RFTN1: variants seen among roughly 807,000 people sequenced by gnomAD.
RFTN1 encodes raftlin.
RFTN1 carries 26 observed loss-of-function variants against 46.5 expected under a neutral mutation model. The ratio of observed to expected loss-of-function variants is 0.56; its 90% CI spans 0.41 to 0.78. The LOEUF is 0.78. Among genes scored for constraint, RFTN1 ranks in the 30% least tolerant of loss-of-function variants. The pLI is 0.00. For synonymous variants in RFTN1, 261 were observed against 284.2 expected, an observed-to-expected ratio of 0.92 and a Z score of 0.82; for missense variants, 693 against 718.7, an observed-to-expected ratio of 0.96 and a Z score of 0.41.
intron 1 of RFTN1, among the ~76,000 whole-genome samples, chr3:16,494,445 CTTTTTCTTCGT>C (rs1343755656): frequency 6.6e-6 from 1 of 152,158 alleles, no homozygotes; most frequent in Non-Finnish European, 1.5e-5. Flanking sequence ...TGAAAGTCCC[CTTTTTCTTCGT>C]TTTTAGACCA....
intron 1 of RFTN1, among the ~76,000 whole-genome samples, chr3:16,510,506 G>T (rs1003410547): frequency 6.6e-6 from 1 of 152,164 alleles, no homozygotes; most frequent in Non-Finnish European, 1.5e-5. Context: ...CCATTTTCAG[G>T]CAGAGTCAGG....
At chr3:16,368,390 G>A (rs475961) in intron 6 of RFTN1, among the ~76,000 whole-genome samples, 56,933 of 152,106 alleles carry the variant, frequency 0.37, 11,411 homozygotes, top group Non-Finnish European at 0.46. Context: ...ACGTATATTC[G>A]GCCGGGCACA....
chr3:16,444,070 T>C (rs1271101854), intron 2 of RFTN1, among the ~76,000 whole-genome samples: 1 of 152,154 alleles, frequency 6.6e-6, no homozygotes, highest in Non-Finnish European at 1.5e-5. Context: ...AAAAGTACTT[T>C]TGTTAGAGAA....
rs1166732116 is a variant in RFTN1 at position 16,386,891 on chromosome 3, CAA to C, written c.442-8791_442-8790del. Among the ~76,000 whole-genome samples, 3 of 152,222 alleles carry C rather than the reference CAA, an allele frequency of 2.0e-5. No homozygotes were observed. In the East Asian group the frequency reaches 5.8e-4, roughly 29 times the overall value. On this transcript the variant is annotated intron_variant, in intron 4 of 9. Coordinates refer to ENST00000334133, the MANE Select transcript of RFTN1 (RefSeq NM_015150.2). ...AAGGATGTGAGAAGTCCACGGGAGA[CAA>C]AAAGTAGAGGCAGCAGTCTGTGACA...
chr3:16,379,169 T>C (rs1276784702), intron 4 of RFTN1, among the ~76,000 whole-genome samples: 2 of 152,150 alleles, frequency 1.3e-5, no homozygotes, highest in Admixed American at 6.5e-5. Context: ...CTACCCTCAT[T>C]TGAGAGTCAG....
In RFTN1 at chr3:16,374,036, G is replaced by T. The variant is rs1234211826; in HGVS notation, c.826+3682C>A. Among the ~76,000 whole-genome samples, 1 of 152,206 alleles carries T rather than the reference G, an allele frequency of 6.6e-6. No individual in the cohort carries two copies. The highest frequency in any genetic ancestry group is 1.5e-5 in the Non-Finnish European group (1 of 68,030). ...AAGGCAAAGTGCAGGGACCGCTGCT[G>T]CGTGCACAACAATCCACAGGACTCC... On this transcript the variant is annotated intron_variant, in intron 5 of 9. Transcript: ENST00000334133. This position sits in a 1 kb window ranked among gnomAD's most constrained non-coding sequence, Gnocchi z 5.4.
Position 16,344,728 on chromosome 3 carries a change from C to T in RFTN1, c.1146+13204G>A, listed in dbSNP as rs982989792. 3.9e-5 allele frequency among the ~76,000 whole-genome samples: 6 copies of T among 152,208 alleles called. No individual in the cohort carries two copies. Among genetic ancestry groups the T allele is most frequent in the African/African-American group, 1.2e-4 (5 of 41,444 alleles). ...AGACCTCCTCCCAATGAAAGCACAT[C>T]GTTGCCAAGTGCGGCCTCTCAATCA... On this transcript the variant is annotated intron_variant, in intron 7 of 9. Transcript: ENST00000334133. The surrounding 1 kb of genome is among the most constrained non-coding windows in gnomAD (Gnocchi z 4.4).
chr3:16,324,504 A>AT (rs1290803212), intron 8 of RFTN1, among the ~76,000 whole-genome samples: 1 of 151,864 alleles, frequency 6.6e-6, no homozygotes, highest in Non-Finnish European at 1.5e-5. Flanking sequence ...ACTTTTTTAG[A>AT]TTCCACGTAT....
chr3:16,501,894 G>A (rs915028203), intron 1 of RFTN1, among the ~76,000 whole-genome samples: 3 of 152,296 alleles, frequency 2.0e-5, no homozygotes, highest in South Asian at 2.1e-4. Flanking sequence ...CTGATCCAAT[G>A]CCAGATGTAA....
chr3:16,332,038 AT>A (rs898135694), intron 7 of RFTN1, among the ~76,000 whole-genome samples: 30 of 149,434 alleles, frequency 2.0e-4, no homozygotes, highest in East Asian at 3.9e-4. Context: ...AGTTTTTAGG[AT>A]TTTTTTTTTC....
Position 16,334,114 on chromosome 3 carries a change from G to A in RFTN1, c.1147-7238C>T, listed in dbSNP as rs528896359. 2.2e-4 allele frequency among the ~76,000 whole-genome samples: 34 copies of A among 152,256 alleles called. No homozygotes were observed. The highest frequency in any genetic ancestry group is 6.3e-4 in the African/African-American group (26 of 41,556). Reference sequence around the variant, plus strand: ...TAGGAGGCAGAAGCTGCAGTGAGCCGAGATCGTGCCACTGCACTCCAGCCT... The same window carrying A: ...TAGGAGGCAGAAGCTGCAGTGAGCCAAGATCGTGCCACTGCACTCCAGCCT... On this transcript the variant is annotated intron_variant, in intron 7 of 9. Coordinates refer to ENST00000334133, the MANE Select transcript of RFTN1 (RefSeq NM_015150.2). This position sits in a 1 kb window ranked among gnomAD's most constrained non-coding sequence, Gnocchi z 4.3.
Position 16,377,870 on chromosome 3 carries a change from G to A in RFTN1, c.674C>T (p.Ser225Leu), listed in dbSNP as rs796613157. The A allele has an allele frequency of 1.9e-6, 3 of 1,614,226 alleles. No homozygotes were observed. The highest frequency in any genetic ancestry group is 2.5e-6 in the Non-Finnish European group (3 of 1,180,028). Residue 225 changes from serine to leucine, a missense_variant, in exon 5 of 10, where the codon TCA becomes TTA. Transcript: ENST00000334133. ...AGRNQSPEPS[S>L]GPRGEVPLAK... ...GAGGGGCACCTCCCCTCTGGGGCCT[G>A]AGCTGGGCTCTGGGCTTTGGTTTCT...
rs1313661700 is a variant in RFTN1 at position 16,424,526 on chromosome 3, C to T, written c.332+9325G>A. On this transcript the variant is annotated intron_variant, in intron 3 of 9. Transcript: ENST00000334133. The surrounding 1 kb of genome is among the most constrained non-coding windows in gnomAD (Gnocchi z 4.7). ...ACAAAGCAAAGTGCTCTCAGACTCT[C>T]AGAAACAGGTGTTATGTGAATACAA... Among the ~76,000 whole-genome samples, 2 of 152,196 alleles carry T rather than the reference C, an allele frequency of 1.3e-5. No homozygotes were observed. Among genetic ancestry groups the T allele is most frequent in the Non-Finnish European group, 1.5e-5 (1 of 68,040 alleles).
rs2073766144 is a variant in RFTN1, at chr3:16,376,267, T to C, written c.826+1451A>G. 6.6e-6 allele frequency among the ~76,000 whole-genome samples: 1 copy of C among 152,180 alleles called. No individual in the cohort carries two copies. The highest frequency in any genetic ancestry group is 1.5e-5 in the Non-Finnish European group (1 of 68,032). On this transcript the variant is annotated intron_variant, in intron 5 of 9. Coordinates refer to ENST00000334133, the MANE Select transcript of RFTN1 (RefSeq NM_015150.2). This position sits in a 1 kb window ranked among gnomAD's most constrained non-coding sequence, Gnocchi z 4.7. ...ACTTTAACCTTTCCATGAGAAACTA[T>C]CGTTCTATCCCCATTTCAAAGGGTG...
At chr3:16,497,008 A>G (rs1032415421) in intron 1 of RFTN1, among the ~76,000 whole-genome samples, 1 of 152,214 alleles carries the variant, frequency 6.6e-6, no homozygotes, top group Non-Finnish European at 1.5e-5. Context: ...CCCGTTATAC[A>G]GAGTTCCAAA....
intron 2 of RFTN1, 150 bp from the exon 3 acceptor site, chr3:16,434,187 T>G (rs80047480): frequency 0.042 from 28,605 of 673,648 alleles, 1,098 homozygotes; most frequent in East Asian, 0.17. Flanking sequence ...CAAACAGACT[T>G]TATAAGCAGC....
Position 16,377,962 on chromosome 3 carries a change from A to G in RFTN1, c.582T>C (p.Arg194=), listed in dbSNP as rs1180224314. ...CATTCTCCAGTGACGCGTGATCCCCACGTGCGTTTTTTGCATCTCTGGCAT... is the reference window on the plus strand; with the variant it reads ...CATTCTCCAGTGACGCGTGATCCCCGCGTGCGTTTTTTGCATCTCTGGCAT... ...TEDARDAKNA[R]GDHASLENEK... is the part of the protein sequence containing the mutation. Residue 194 remains arginine (R), a synonymous_variant, in exon 5 of 10, where the codon CGT becomes CGC. Coordinates refer to ENST00000334133, the MANE Select transcript of RFTN1 (RefSeq NM_015150.2). 6.2e-7 allele frequency: 1 copy of G among 1,614,138 alleles called. No individual in the cohort carries two copies. The highest frequency in any genetic ancestry group is 1.7e-5 in the Admixed American group (1 of 60,012).
At chr3:16,437,592 T>G (rs2075540671) in intron 2 of RFTN1, among the ~76,000 whole-genome samples, 1 of 151,730 alleles carries the variant, frequency 6.6e-6, no homozygotes, top group Admixed American at 6.6e-5. Flanking sequence ...CCCAGAGAGG[T>G]CAAGGATGCA....
At chr3:16,497,572 G>T (rs746953238) in intron 1 of RFTN1, among the ~76,000 whole-genome samples, 3 of 152,194 alleles carry the variant, frequency 2.0e-5, no homozygotes, top group Non-Finnish European at 2.9e-5. Flanking sequence ...GCAAGGGAAG[G>T]CTCTCATGCC....
Sources: allele counts gnomAD v4.1 joint callset (sites outside exome capture counted in the v4.1 genomes callset), GRCh38; gene constraint gnomAD v4.1.1; non-coding constraint Gnocchi (gnomAD v3.1); transcripts MANE v1.5; gene names NCBI Gene and HGNC (gene_info 2026-07-23, HGNC 2026-07-21).